The following PPP2R2B variants were observed in gnomAD, a reference collection of about 807,000 sequenced individuals.
PPP2R2B encodes the protein serine/threonine-protein phosphatase 2A 55 kDa regulatory subunit B beta isoform.
PPP2R2B carries 5 observed loss-of-function variants against 46.0 expected under a neutral mutation model. The ratio of observed to expected loss-of-function variants is 0.11; its 90% CI spans 0.06 to 0.23. The LOEUF (loss-of-function observed/expected upper bound fraction) is 0.23. Ranked by LOEUF, PPP2R2B falls within the 10% of genes least tolerant of loss-of-function variation. PPP2R2B has a pLI of 1.00. For synonymous variants in PPP2R2B, 215 were observed against 206.7 expected (o/e 1.04, Z -0.34); for missense variants, 367 against 575.0 (o/e 0.64, Z 3.70).
chr5:146,674,495 C>T (rs1777578930), intron 5 of PPP2R2B, among the ~76,000 whole-genome samples: 1 of 152,178 alleles, frequency 6.6e-6, no homozygotes, highest in Non-Finnish European at 1.5e-5. Flanking sequence ...TGACTCATTC[C>T]CTCAGCTCCT....
chr5:146,962,886 T>G (rs1209834627), intron 1 of PPP2R2B, among the ~76,000 whole-genome samples: 3 of 152,198 alleles, frequency 2.0e-5, no homozygotes, highest in African/African-American at 7.2e-5. Flanking sequence ...TAAGTCACCA[T>G]GCCTGCTACC....
chr5:146,744,185 C>T (rs1753040284), intron 2 of PPP2R2B, among the ~76,000 whole-genome samples: 1 of 152,196 alleles, frequency 6.6e-6, no homozygotes, highest in East Asian at 1.9e-4. Context: ...TAAGGCTGTT[C>T]CTGCATTTCC....
At chr5:146,985,017 CTTTTTTTTTT>C (rs34277498) in intron 1 of PPP2R2B, among the ~76,000 whole-genome samples, 1 of 99,492 alleles carries the variant, frequency 1.0e-5, no homozygotes, top group African/African-American at 3.6e-5. Flanking sequence ...TTTTCTTTTT[CTTTTTTTTTT>C]TTTTTTTTTT....
intron 1 of PPP2R2B, among the ~76,000 whole-genome samples, chr5:146,969,546 GGAAA>G (rs922524767): frequency 4.4e-4 from 67 of 152,224 alleles, no homozygotes; most frequent in African/African-American, 1.6e-3. Flanking sequence ...CTGTGGTATA[GGAAA>G]GAGAGAGGCT....
At chr5:146,894,956 C>G (rs1762601290) in intron 1 of PPP2R2B, among the ~76,000 whole-genome samples, 1 of 152,070 alleles carries the variant, frequency 6.6e-6, no homozygotes, top group Admixed American at 6.6e-5. Flanking sequence ...ATGGTGCCGG[C>G]CCTAGAACTG....
intron 1 of PPP2R2B, among the ~76,000 whole-genome samples, chr5:146,952,284 T>C (rs2151836297): frequency 6.6e-6 from 1 of 152,210 alleles, no homozygotes; most frequent in East Asian, 1.9e-4. Flanking sequence ...CACCATAAAG[T>C]ACTTGTGGTG....
chr5:146,794,148 C>T (rs1316744787), intron 2 of PPP2R2B, among the ~76,000 whole-genome samples: 1 of 152,174 alleles, frequency 6.6e-6, no homozygotes, highest in Non-Finnish European at 1.5e-5. Flanking sequence ...AGGATTGTGA[C>T]TGAAGAAAGA....
chr5:146,883,909 T>G (rs1371958101), intron 1 of PPP2R2B, among the ~76,000 whole-genome samples: 1 of 152,246 alleles, frequency 6.6e-6, no homozygotes, highest in East Asian at 1.9e-4. Flanking sequence ...GTACAGAAAC[T>G]TATGAAAATA....
At chr5:146,857,643 C>T (rs1202008397) in intron 2 of PPP2R2B, among the ~76,000 whole-genome samples, 8 of 151,948 alleles carry the variant, frequency 5.3e-5, no homozygotes, top group Non-Finnish European at 1.2e-4. Context: ...ATCAAAACAA[C>T]TGTCTTCTAA....
At chr5:146,977,507 G>T (rs764225313) in intron 1 of PPP2R2B, among the ~76,000 whole-genome samples, 2 of 151,888 alleles carry the variant, frequency 1.3e-5, no homozygotes, top group South Asian at 2.1e-4. Context: ...GTATTTCTCC[G>T]CATGCTATCC....
intron 2 of PPP2R2B, among the ~76,000 whole-genome samples, chr5:146,715,190 T>C (rs1350138493): frequency 6.6e-6 from 1 of 152,176 alleles, no homozygotes; most frequent in Non-Finnish European, 1.5e-5. Flanking sequence ...ACCCAGGTGA[T>C]GGTGCCAGGA....
At chr5:146,693,639 T>C (rs189361828) in intron 4 of PPP2R2B, among the ~76,000 whole-genome samples, 1 of 152,350 alleles carries the variant, frequency 6.6e-6, no homozygotes, top group Non-Finnish European at 1.5e-5. Context: ...ATATCCCATA[T>C]AGTTCAATCT....
At chr5:147,006,288 C>A (rs907884111) in intron 1 of PPP2R2B, among the ~76,000 whole-genome samples, 52 of 152,188 alleles carry the variant, frequency 3.4e-4, no homozygotes, top group Non-Finnish European at 7.1e-4. Context: ...AAAGTACTTA[C>A]AGAATCAGGA....
At chr5:147,074,200 C>G (rs978645788) in intron 2 of PPP2R2B, among the ~76,000 whole-genome samples, 14 of 152,194 alleles carry the variant, frequency 9.2e-5, no homozygotes, top group African/African-American at 3.4e-4. Flanking sequence ...GAAAATTATT[C>G]AGTATCCTGC....
intron 2 of PPP2R2B, among the ~76,000 whole-genome samples, chr5:146,824,464 G>A (rs986134309): frequency 5.9e-5 from 9 of 152,110 alleles, no homozygotes; most frequent in Admixed American, 3.9e-4. Flanking sequence ...ACCTTCAATA[G>A]CTATAGAATT....
At chr5:146,917,419 A>G (rs1763430738) in intron 1 of PPP2R2B, among the ~76,000 whole-genome samples, 2 of 152,210 alleles carry the variant, frequency 1.3e-5, no homozygotes, top group East Asian at 3.9e-4. Flanking sequence ...CCTCAGTAAA[A>G]GGTCATTCCT....
At chr5:146,919,639 C>T (rs1763521596) in intron 1 of PPP2R2B, 1 of 152,202 alleles carries the variant, frequency 6.6e-6, no homozygotes, top group Non-Finnish European at 1.5e-5. Flanking sequence ...CAGCAGATGA[C>T]TATGTTCATA....
intron 1 of PPP2R2B, among the ~76,000 whole-genome samples, chr5:146,899,946 TGTTA>T (rs1419773825): frequency 1.3e-5 from 2 of 152,200 alleles, no homozygotes; most frequent in Non-Finnish European, 2.9e-5. Flanking sequence ...GCCATATCTA[TGTTA>T]GTAACTATCA....
At chr5:147,050,828 C>CTG (rs968941852) in intron 1 of PPP2R2B, among the ~76,000 whole-genome samples, 29 of 151,274 alleles carry the variant, frequency 1.9e-4, no homozygotes, top group Middle Eastern at 3.5e-3. Flanking sequence ...ATTTTTCCCT[C>CTG]TGTGTGTGTG....
Sources: allele counts gnomAD v4.1 joint callset (sites outside exome capture counted in the v4.1 genomes callset), GRCh38; gene constraint gnomAD v4.1.1; transcripts MANE v1.5; gene names NCBI Gene and HGNC (gene_info 2026-07-23, HGNC 2026-07-21).